PDE4D: variants seen among roughly 807,000 people sequenced by gnomAD.
PDE4D encodes phosphodiesterase 4D.
Under a neutral mutation model 87.4 loss-of-function variants are expected in PDE4D, and 24 were observed. That is an observed-to-expected ratio of 0.27 (90% CI 0.20 to 0.39). The LOEUF is 0.39. Ranked by LOEUF, PDE4D falls within the 10% of genes least tolerant of loss-of-function variation. The pLI is 1.00. For synonymous variants in PDE4D, 384 were observed against 383.2 expected (o/e 1.00, Z -0.02); for missense variants, 714 against 1,041.0 (o/e 0.69, Z 4.32).
intron 1 of PDE4D, among the ~76,000 whole-genome samples, chr5:60,242,554 C>A (rs958984105): frequency 2.0e-5 from 3 of 152,110 alleles, no homozygotes; most frequent in African/African-American, 7.2e-5. Context: ...GCACATGGAT[C>A]ATTCTCAAGG....
chr5:59,481,947 A>G (rs1245380938), intron 1 of PDE4D, among the ~76,000 whole-genome samples: 9 of 152,100 alleles, frequency 5.9e-5, no homozygotes, highest in Admixed American at 4.6e-4. Context: ...TTATAAGTTA[A>G]TTTGCATACC....
At chr5:60,429,703 T>C (rs905679733) in intron 1 of PDE4D, among the ~76,000 whole-genome samples, 2 of 152,248 alleles carry the variant, frequency 1.3e-5, no homozygotes, top group Non-Finnish European at 2.9e-5. Context: ...AAGCCTTTTC[T>C]GCATCTATTG....
At chr5:59,578,906 C>A (rs1021570559) in intron 1 of PDE4D, among the ~76,000 whole-genome samples, 1 of 152,088 alleles carries the variant, frequency 6.6e-6, no homozygotes, top group Non-Finnish European at 1.5e-5. Context: ...GTGTTCTTCA[C>A]TAGCTACTGT....
chr5:59,080,272 ATGAACGTGACCC>A (rs1766502993), intron 5 of PDE4D, among the ~76,000 whole-genome samples: 1 of 152,186 alleles, frequency 6.6e-6, no homozygotes, highest in South Asian at 2.1e-4. Flanking sequence ...AATAAGTGTG[ATGAACGTGACCC>A]TGGCACTCTG....
At chr5:60,025,699 A>T (rs1185438592) in intron 2 of PDE4D, among the ~76,000 whole-genome samples, 1 of 152,138 alleles carries the variant, frequency 6.6e-6, no homozygotes, top group Admixed American at 6.6e-5. Context: ...GAATTTTCTA[A>T]TTCAACCATA....
chr5:59,402,644 TTTGG>T (rs1275888562), intron 1 of PDE4D, among the ~76,000 whole-genome samples: 1 of 152,178 alleles, frequency 6.6e-6, no homozygotes, highest in Non-Finnish European at 1.5e-5. Flanking sequence ...TATCCAGAAA[TTTGG>T]TTGCTTTGGT....
intron 1 of PDE4D, among the ~76,000 whole-genome samples, chr5:60,471,982 G>C (rs1747849188): frequency 2.6e-5 from 4 of 152,082 alleles, no homozygotes; most frequent in Admixed American, 2.6e-4. Flanking sequence ...AGGTGGAACA[G>C]AATGAGCATT....
rs555521138 is a variant in PDE4D, at chr5:60,447,099, T to TG, written c.-90+40842dup. ...ACAGGAGCACTTGCACACCATACCG[T>TG]GGCCTCCAGCTCTCTAACATGTGCT... On this transcript the variant is annotated intron_variant, in intron 1 of 16. Transcript: ENST00000502484. Among the ~76,000 whole-genome samples the TG allele has an allele frequency of 4.1e-3, 619 of 152,252 alleles. 6 individuals are homozygous for TG. The highest frequency in any genetic ancestry group is 0.014 in the African/African-American group (592 of 41,568).
intron 3 of PDE4D, among the ~76,000 whole-genome samples, chr5:59,931,248 C>A (rs546600479): frequency 1.3e-5 from 2 of 152,078 alleles, no homozygotes; most frequent in Non-Finnish European, 2.9e-5. Flanking sequence ...ATGCTTATGA[C>A]CATTTCATGT....
intron 1 of PDE4D, among the ~76,000 whole-genome samples, chr5:59,274,700 A>G (rs1276353113): frequency 6.6e-6 from 1 of 152,200 alleles, no homozygotes; most frequent in Non-Finnish European, 1.5e-5. Flanking sequence ...TAGCATATCA[A>G]ATCACCATTG....
chr5:59,291,540 A>T (rs1768005284), intron 1 of PDE4D, among the ~76,000 whole-genome samples: 1 of 152,018 alleles, frequency 6.6e-6, no homozygotes, highest in African/African-American at 2.4e-5. Context: ...TATAGTTAAC[A>T]ATTTATTGTA....
At chr5:59,545,100 T>C (rs1379623161) in intron 1 of PDE4D, among the ~76,000 whole-genome samples, 1 of 152,198 alleles carries the variant, frequency 6.6e-6, no homozygotes, top group East Asian at 1.9e-4. Context: ...AATATAACTA[T>C]GCCCTAGTTT....
intron 2 of PDE4D, among the ~76,000 whole-genome samples, chr5:60,017,836 G>A (rs895296054): frequency 1.3e-5 from 2 of 152,088 alleles, no homozygotes; most frequent in African/African-American, 4.8e-5. Flanking sequence ...TGAGTCAAAT[G>A]GTATTTCTGG....
chr5:59,137,777 C>A (rs1038614035), intron 5 of PDE4D, among the ~76,000 whole-genome samples: 2 of 152,212 alleles, frequency 1.3e-5, no homozygotes, highest in African/African-American at 4.8e-5. Context: ...CTGCCTGCCT[C>A]GGCCTCCCAA....
chr5:60,288,477 A>G (rs1752614279), intron 1 of PDE4D, among the ~76,000 whole-genome samples: 1 of 152,222 alleles, frequency 6.6e-6, no homozygotes, highest in East Asian at 1.9e-4. Flanking sequence ...AAATAAAACA[A>G]AACAAAAATA....
chr5:60,022,749 C>G (rs965266299), intron 2 of PDE4D: 1 of 152,232 alleles, frequency 6.6e-6, no homozygotes, highest in Non-Finnish European at 1.5e-5. Context: ...TTAGTTGACT[C>G]CCTATCACAG....
At chr5:59,113,823 A>T (rs1450361146) in intron 5 of PDE4D, among the ~76,000 whole-genome samples, 1 of 152,184 alleles carries the variant, frequency 6.6e-6, no homozygotes, top group Non-Finnish European at 1.5e-5. Flanking sequence ...TAATGTATCC[A>T]ATCTCACAGA....
intron 1 of PDE4D, among the ~76,000 whole-genome samples, chr5:59,867,835 G>C (rs1439179181): frequency 2.0e-5 from 3 of 152,142 alleles, no homozygotes; most frequent in Admixed American, 2.0e-4. Flanking sequence ...AGCAGAATAT[G>C]ATATATTATG....
chr5:60,131,798 C>T (rs1356824207), intron 2 of PDE4D, among the ~76,000 whole-genome samples: 2 of 152,220 alleles, frequency 1.3e-5, no homozygotes, highest in African/African-American at 4.8e-5. Flanking sequence ...AAAACTAGTG[C>T]ACATGCTCTT....
Sources: allele counts gnomAD v4.1 joint callset (sites outside exome capture counted in the v4.1 genomes callset), GRCh38; gene constraint gnomAD v4.1.1; transcripts MANE v1.5; gene names NCBI Gene and HGNC (gene_info 2026-07-23, HGNC 2026-07-21).